COL5A3: variants seen among roughly 807,000 people sequenced by gnomAD.
The protein encoded by COL5A3 is collagen alpha-3(V) chain.
COL5A3 carries 172 observed loss-of-function variants against 250.0 expected under a neutral mutation model. The observed-to-expected ratio is 0.69, with a 90% CI of 0.61 to 0.78. COL5A3 has a LOEUF of 0.78. Ranked by LOEUF, COL5A3 falls within the 30% of genes least tolerant of loss-of-function variation. COL5A3 has a pLI of 0.00. For synonymous variants in COL5A3, 937 were observed against 900.4 expected (o/e 1.04, Z -0.73); for missense variants, 2,340 against 2,334.4 (o/e 1.00, Z -0.05).
Position 9,968,607 on chromosome 19 carries a change from C to A in COL5A3, c.4206+68G>T. The A allele has an allele frequency of 1.9e-6, 3 of 1,590,450 alleles. No homozygotes were observed. The highest frequency in any genetic ancestry group is 2.2e-5 in the South Asian group (2 of 90,282). On this transcript the variant is annotated intron_variant, in intron 58 of 66. Coordinates refer to ENST00000264828, the MANE Select transcript of COL5A3 (RefSeq NM_015719.4). The surrounding 1 kb of genome is among the most constrained non-coding windows in gnomAD (Gnocchi z 4.1). ...GCAGAGGATGCACCAATCTCCCAGC[C>A]CCCCAGCCAGGGAGGGAGGGAAAGA...
chr19:9,995,543 G>A, intron 16 of COL5A3, 21 bp downstream of exon 16: 1 of 1,603,478 alleles, frequency 6.2e-7, no homozygotes, highest in Non-Finnish European at 8.5e-7. Flanking sequence ...GGGGTGGTCT[G>A]GGGACCTAGC....
chr19:9,968,921 G>A lies in COL5A3; in HGVS notation c.4153-193C>T, dbSNP rs547645384. Reference sequence around the variant, plus strand: ...CTAATGAGGGGTTGACTGGAGGATGGACAACGTGAGTGGTCAGTGGCCAAG... The same window carrying A: ...CTAATGAGGGGTTGACTGGAGGATGAACAACGTGAGTGGTCAGTGGCCAAG... On this transcript the variant is annotated intron_variant, in intron 57 of 66. Transcript: ENST00000264828. The surrounding 1 kb of genome is among the most constrained non-coding windows in gnomAD (Gnocchi z 4.1). 4.2e-5 allele frequency: 27 copies of A among 643,978 alleles called. No homozygotes were observed. In the African/African-American group the frequency reaches 4.6e-4, roughly 11 times the overall value. 39.9% of individuals were successfully genotyped at this position (643,978 alleles called of 1,614,324 possible).
At chr19:9,989,414 C>T (rs745452597) in intron 25 of COL5A3, 48 bp from the exon 26 acceptor site, 22 of 1,613,758 alleles carry the variant, frequency 1.4e-5, no homozygotes, top group African/African-American at 8.0e-5. Context: ...CTTGCCATTC[C>T]AATTCCCAAG....
At position 9,980,009 on chromosome 19, in the gene COL5A3, C is replaced by T. The variant is rs751875346; in HGVS notation, c.2643G>A (p.Gly881=). The change falls in exon 36 of 67, where the codon GGG becomes GGA. Residue 881 remains glycine, a synonymous_variant. Coordinates refer to ENST00000264828, the MANE Select transcript of COL5A3 (RefSeq NM_015719.4). ...PGLQGPPGFP[G]PKGPPGHQGK... is the part of the protein sequence containing the mutation. ...CCTCACTCACAGGGGGGCCCTTTGG[C>T]CCAGGGAATCCTGGAGGGCCTTGCA... 12 of 1,587,622 alleles carry T rather than the reference C, an allele frequency of 7.6e-6. No individual in the cohort carries two copies. Among genetic ancestry groups the T allele is most frequent in the African/African-American group, 1.4e-5 (1 of 72,942 alleles).
chr19:9,999,136 TTTCCTTCC>T lies in COL5A3; in HGVS notation c.1111-995_1111-988del, dbSNP rs142456677. 6.5e-4 allele frequency among the ~76,000 whole-genome samples: 82 copies of T among 126,742 alleles called. 1 individual carries two copies. The highest frequency in any genetic ancestry group is 8.0e-3 in the Middle Eastern group (2 of 250). The allele number at this position is 126,742 out of a possible 152,430, so 83.1% of individuals were successfully genotyped here. On this transcript the variant is annotated intron_variant, in intron 8 of 66. Coordinates refer to ENST00000264828, the MANE Select transcript of COL5A3 (RefSeq NM_015719.4). ...GGCTTTTCCTTTTTTCTCTCTCTTT[TTTCCTTCC>T]TTCCTTCCTTCCTTCCTTCCTTCCT...
Position 9,981,082 on chromosome 19 carries a change from T to A in COL5A3, c.2505+6A>T. On this transcript the variant is annotated splice_donor_region_variant and intron_variant, in intron 33 of 66. Coordinates refer to ENST00000264828, the MANE Select transcript of COL5A3 (RefSeq NM_015719.4). ...GCAGGGTAGGGGGCACTGTCTATTT[T>A]CTTACTGGTGGTCCCCGCTCTCCTT... The A allele has an allele frequency of 6.2e-7, 1 of 1,613,902 alleles. No individual in the cohort carries two copies. The highest frequency in any genetic ancestry group is 8.5e-7 in the Non-Finnish European group (1 of 1,179,822).
chr19:10,001,903 C>A, intron 6 of COL5A3, 22 bp from the exon 7 acceptor site: 1 of 1,573,546 alleles, frequency 6.4e-7, no homozygotes, highest in Non-Finnish European at 8.7e-7. Context: ...ATGGAGGGAG[C>A]CTTGGGTCTC....
In COL5A3 at chr19:10,009,146, TAAG is replaced by T. The variant is rs745785129; in HGVS notation, c.88+1149_88+1151del. Among the ~76,000 whole-genome samples, 32 of 138,948 alleles carry T rather than the reference TAAG, an allele frequency of 2.3e-4. No homozygotes were observed. The highest frequency in any genetic ancestry group is 3.5e-4 in the Non-Finnish European group (22 of 63,158). The allele number at this position is 138,948 out of a possible 152,430, so 91.2% of individuals were successfully genotyped here. On this transcript the variant is annotated intron_variant, in intron 1 of 66. Transcript: ENST00000264828. This position sits in a 1 kb window ranked among gnomAD's most constrained non-coding sequence, Gnocchi z 4.4. Reference sequence around the variant, plus strand: ...ACAGGCACCTTCCTGGACTCCAAAGTAAGAAGTGTGCTGTGGTGTGTGTGTGTG... The same window carrying T: ...ACAGGCACCTTCCTGGACTCCAAAGTAAGTGTGCTGTGGTGTGTGTGTGTG...
intron 33 of COL5A3, 48 bp from the exon 34 acceptor site, chr19:9,980,907 C>A: frequency 6.4e-7 from 1 of 1,574,684 alleles, no homozygotes; most frequent in Non-Finnish European, 8.6e-7. Context: ...GGTGGGGGAG[C>A]CTGGGAGATG....
Position 9,991,674 on chromosome 19 carries a change from A to G in COL5A3, c.1948-20T>C, listed in dbSNP as rs1216766531. The G allele has an allele frequency of 5.6e-6, 9 of 1,612,892 alleles. 1 individual carries two copies. In the South Asian group the frequency reaches 8.8e-5, roughly 16 times the overall value. On this transcript the variant is annotated intron_variant, in intron 23 of 66. Transcript: ENST00000264828. ...GAGTCCCTGGAGACAGAAAAAGAAG[A>G]TGAGAGAAGGCATAAGAAAGAAGCG...
intron 44 of COL5A3, among the ~76,000 whole-genome samples, chr19:9,976,965 A>G (rs1411117556): frequency 2.0e-5 from 3 of 152,046 alleles, no homozygotes; most frequent in Admixed American, 1.3e-4. Flanking sequence ...GTCACTAACA[A>G]TGGAGAAGGT....
At position 9,979,517 on chromosome 19, in the gene COL5A3, C is replaced by G. The variant is rs752398424; in HGVS notation, c.2713-100G>C. 4.7e-6 allele frequency: 6 copies of G among 1,268,410 alleles called. No individual in the cohort carries two copies. The Middle Eastern group carries it at 7.4e-4, about 157-fold the overall frequency. The allele number at this position is 1,268,410 out of a possible 1,614,324, so 78.6% of individuals were successfully genotyped here. On this transcript the variant is annotated intron_variant, in intron 37 of 66. Coordinates refer to ENST00000264828, the MANE Select transcript of COL5A3 (RefSeq NM_015719.4). Reference sequence around the variant, plus strand: ...GATAGGATCAGGAATCTGGCCGGTCCGGTGGCTCACGCCTGTAATCCCAGC... The same window carrying G: ...GATAGGATCAGGAATCTGGCCGGTCGGGTGGCTCACGCCTGTAATCCCAGC...
intron 1 of COL5A3, 66 bp from the exon 2 acceptor site, chr19:10,006,297 C>G: frequency 6.9e-7 from 1 of 1,445,868 alleles, no homozygotes; most frequent in Non-Finnish European, 9.2e-7. Context: ...GCCCAGGACT[C>G]CAGGATAGAG....
chr19:9,990,184 A>G lies in COL5A3; in HGVS notation c.1993-662T>C, dbSNP rs537174897. ...CGAGGAGGGTGGATCACCTGAGGTC[A>G]GGAGTTCAAGACCAGCCTGGCCAAC... On this transcript the variant is annotated intron_variant, in intron 24 of 66. Transcript: ENST00000264828. Among the ~76,000 whole-genome samples, 3 of 151,712 alleles carry G rather than the reference A, an allele frequency of 2.0e-5. No homozygotes were observed. In the East Asian group the frequency reaches 6.0e-4, roughly 30 times the overall value.
At chr19:9,976,685 C>A in intron 44 of COL5A3, 74 bp from the exon 45 acceptor site, 1 of 1,109,284 alleles carries the variant, frequency 9.0e-7, no homozygotes. Context: ...CTATCAATCA[C>A]TGCCTCCCAC....
At chr19:9,974,460 CAG>C (rs1254547755) in intron 45 of COL5A3, 52 bp from the exon 46 acceptor site, 2 of 1,365,712 alleles carry the variant, frequency 1.5e-6, no homozygotes, top group South Asian at 2.8e-5. Flanking sequence ...GTGATTAGGG[CAG>C]AGTGAGGCTC....
chr19:9,970,908 C>G (rs1341038041), intron 53 of COL5A3, 67 bp downstream of exon 53: 3 of 1,380,694 alleles, frequency 2.2e-6, no homozygotes, highest in Non-Finnish European at 2.0e-6. Context: ...CCCTGCCCCC[C>G]CAATTCACTC....
intron 53 of COL5A3, 92 bp downstream of exon 53, chr19:9,970,883 C>T (rs894865569): frequency 9.0e-6 from 11 of 1,228,620 alleles, no homozygotes; most frequent in Non-Finnish European, 1.1e-5. Context: ...CCTTGGGTAC[C>T]CCACTAGCCC....
At position 9,970,998 on chromosome 19, in the gene COL5A3, C is replaced by T. The variant is rs756739603; in HGVS notation, c.3859G>A (p.Asp1287Asn). 2.6e-6 allele frequency: 4 copies of T among 1,559,034 alleles called. No homozygotes were observed. The South Asian group carries it at 3.7e-5, about 14-fold the overall frequency. ...GIDGSPGEKG[D>N]PGDVGGPGPP... is the part of the protein sequence containing the mutation. The stretch of plus-strand genomic sequence containing the variant: ...ACCGGTCCCCCAACATCACCAGGGT[C>T]TCCCTTCTCCCCTGGGGAACCATCT... The change falls in exon 53 of 67, where the codon GAC becomes AAC. Residue 1287 changes from aspartate (D) to asparagine (N), a missense_variant. Around this residue, in one of 3 missense-constraint regions of COL5A3, gnomAD observed 1,179 missense variants for 1,162.6 expected, o/e 1.01. Transcript: ENST00000264828.
Sources: allele counts gnomAD v4.1 joint callset (sites outside exome capture counted in the v4.1 genomes callset), GRCh38; gene constraint gnomAD v4.1.1; regional missense constraint gnomAD v4.1.1; non-coding constraint Gnocchi (gnomAD v3.1); transcripts MANE v1.5; gene names NCBI Gene and HGNC (gene_info 2026-07-23, HGNC 2026-07-21).